Variants in ZBTB20 observed in about 807,000 individuals in gnomAD.
The protein encoded by ZBTB20 is zinc finger and BTB domain-containing protein 20.
In ZBTB20, 9 loss-of-function variants were observed where a neutral mutation model predicts 56.9. That is an observed-to-expected ratio of 0.16 (90% confidence interval 0.10 to 0.28). The LOEUF is 0.28. ZBTB20 is among the 10% of genes least tolerant of loss of function. The pLI is 1.00. For missense variants in ZBTB20, 655 were observed against 1,003.0 expected (o/e 0.65, Z 4.69); for synonymous variants, 417 against 420.7 (o/e 0.99, Z 0.11).
intron 6 of ZBTB20, among the ~76,000 whole-genome samples, chr3:114,526,129 G>T (rs191242103): frequency 6.6e-6 from 1 of 152,088 alleles, no homozygotes; most frequent in East Asian, 1.9e-4. Flanking sequence ...TCCATCCTTG[G>T]CCTGGTTCTT....
chr3:114,337,972 G>T lies in ZBTB20; in HGVS notation c.*1033C>A, dbSNP rs888675316. Reference sequence around the variant, plus strand: ...ATTAAAAAAATCAGCATTCTATCTGGTAAACGTCACTTTTGCCCCTCTATA... The same window carrying T: ...ATTAAAAAAATCAGCATTCTATCTGTTAAACGTCACTTTTGCCCCTCTATA... On this transcript the variant is annotated 3_prime_UTR_variant, in exon 12 of 12. Transcript: ENST00000675478. The T allele has an allele frequency of 1.3e-5, 2 of 150,622 alleles. No individual in the cohort carries two copies. The highest frequency in any genetic ancestry group is 6.6e-5 in the Admixed American group (1 of 15,110). The allele number at this position is 150,622 out of a possible 1,614,324, so 9.3% of individuals were successfully genotyped here.
intron 1 of ZBTB20, among the ~76,000 whole-genome samples, chr3:115,090,250 AAT>A (rs1190983003): frequency 6.6e-6 from 1 of 151,790 alleles, no homozygotes; most frequent in Non-Finnish European, 1.5e-5. Flanking sequence ...ACCCATTAAT[AAT>A]GGAGCTCAGA....
At chr3:114,471,751 C>A (rs2040153657) in intron 7 of ZBTB20, among the ~76,000 whole-genome samples, 1 of 152,188 alleles carries the variant, frequency 6.6e-6, no homozygotes, top group African/African-American at 2.4e-5. Context: ...CTCAAAAAAA[C>A]ATCTCGCTTC....
chr3:114,476,103 T>C (rs919732653), intron 7 of ZBTB20, among the ~76,000 whole-genome samples: 8 of 152,216 alleles, frequency 5.3e-5, no homozygotes, highest in African/African-American at 1.7e-4. Flanking sequence ...TATTACTATG[T>C]ATGCTGCCTT....
chr3:114,389,754 T>C (rs147779112), intron 7 of ZBTB20, among the ~76,000 whole-genome samples: 2,286 of 151,782 alleles, frequency 0.015, 60 homozygotes, highest in African/African-American at 0.052. Context: ...CCAGGCGTGA[T>C]GGCGCACGCC....
chr3:114,673,414 A>G (rs1371899111), intron 6 of ZBTB20, among the ~76,000 whole-genome samples: 2 of 152,152 alleles, frequency 1.3e-5, no homozygotes, highest in Non-Finnish European at 2.9e-5. Flanking sequence ...TGCTATATAA[A>G]TGTAAAATAA....
intron 7 of ZBTB20, among the ~76,000 whole-genome samples, chr3:114,484,159 T>C (rs1427657490): frequency 6.6e-6 from 1 of 152,212 alleles, no homozygotes; most frequent in East Asian, 1.9e-4. Context: ...CTTCTTATGT[T>C]TGTGCATTGT....
At chr3:115,133,176 C>T (rs180872054) in intron 1 of ZBTB20, among the ~76,000 whole-genome samples, 1 of 152,274 alleles carries the variant, frequency 6.6e-6, no homozygotes, top group African/African-American at 2.4e-5. Flanking sequence ...CTTTTCTATG[C>T]TAAGTAGCAT....
chr3:114,860,176 G>C (rs551402985), intron 4 of ZBTB20, among the ~76,000 whole-genome samples: 1 of 151,988 alleles, frequency 6.6e-6, no homozygotes, highest in Admixed American at 6.6e-5. Context: ...GCTTGTTGGC[G>C]TGTGACTGTA....
chr3:114,559,291 T>G (rs13066213), intron 6 of ZBTB20, among the ~76,000 whole-genome samples: 25,470 of 152,144 alleles, frequency 0.17, 2,242 homozygotes, highest in Middle Eastern at 0.2. Flanking sequence ...AAAATAAATA[T>G]GTGCTTTCCC....
At chr3:114,825,482 AG>A (rs1387341455) in intron 4 of ZBTB20, among the ~76,000 whole-genome samples, 2 of 151,900 alleles carry the variant, frequency 1.3e-5, no homozygotes, top group Admixed American at 1.3e-4. Context: ...TAACTCCAGA[AG>A]GGGGTTCCAC....
intron 6 of ZBTB20, among the ~76,000 whole-genome samples, chr3:114,521,705 GA>G (rs959884443): frequency 7.2e-5 from 11 of 151,882 alleles, no homozygotes; most frequent in African/African-American, 2.2e-4. Flanking sequence ...TTTACTGAAT[GA>G]AAAAAAAGTT....
intron 6 of ZBTB20, among the ~76,000 whole-genome samples, chr3:114,533,232 TAAG>T (rs986794513): frequency 6.6e-6 from 1 of 151,982 alleles, no homozygotes; most frequent in African/African-American, 2.4e-5. Flanking sequence ...GCAAGGGAGC[TAAG>T]AAGCTTGAAA....
At chr3:114,345,652 T>A (rs2080127193) in intron 11 of ZBTB20, among the ~76,000 whole-genome samples, 1 of 152,146 alleles carries the variant, frequency 6.6e-6, no homozygotes, top group Non-Finnish European at 1.5e-5. Flanking sequence ...CAGGGCTTGT[T>A]ACACAGATTT....
rs116768256 is a variant in ZBTB20, at chr3:114,781,831, C to T, written c.-343+19270G>A. On this transcript the variant is annotated intron_variant, in intron 5 of 11. Coordinates refer to ENST00000675478, the MANE Select transcript of ZBTB20 (RefSeq NM_001348800.3). ...ATCTGGTGATTTTATAAGGGGTTTCCCCTTTCGCTTGGCTCTTTCCTTCTC... is the reference window on the plus strand; with the variant it reads ...ATCTGGTGATTTTATAAGGGGTTTCTCCTTTCGCTTGGCTCTTTCCTTCTC... 7.6e-3 allele frequency among the ~76,000 whole-genome samples: 1,159 copies of T among 152,218 alleles called. 11 individuals carry two copies. Among genetic ancestry groups the T allele is most frequent in the African/African-American group, 0.023 (960 of 41,528 alleles).
intron 2 of ZBTB20, among the ~76,000 whole-genome samples, chr3:114,996,822 G>A (rs950198488): frequency 2.6e-5 from 4 of 151,936 alleles, no homozygotes; most frequent in Admixed American, 1.3e-4. Context: ...AGTGGGTGAA[G>A]GATATGAACA....
intron 3 of ZBTB20, among the ~76,000 whole-genome samples, chr3:114,932,372 G>C (rs974385052): frequency 3.3e-5 from 5 of 152,146 alleles, no homozygotes; most frequent in Non-Finnish European, 5.9e-5. Flanking sequence ...TCTGCTTCTT[G>C]GAGTCTCCCA....
chr3:114,937,444 T>C (rs150386442), intron 3 of ZBTB20, among the ~76,000 whole-genome samples: 4,619 of 151,744 alleles, frequency 0.03, 88 homozygotes, highest in African/African-American at 0.038. Context: ...TTTTTTTAGA[T>C]GGAGTCTCGC....
At chr3:115,023,895 G>A (rs1396463005) in intron 2 of ZBTB20, among the ~76,000 whole-genome samples, 1 of 151,094 alleles carries the variant, frequency 6.6e-6, no homozygotes, top group Non-Finnish European at 1.5e-5. Context: ...AGATTTCAAT[G>A]ATTCCAACTT....
Sources: gnomAD v4.1 joint callset for allele counts (sites outside exome capture counted in the v4.1 genomes callset) on GRCh38, gnomAD v4.1.1 for gene constraint, MANE v1.5 for transcripts, NCBI Gene and HGNC (gene_info 2026-07-23, HGNC 2026-07-21) for gene names.